APBB2: variants seen among roughly 807,000 people sequenced by gnomAD.
APBB2 encodes Fe65-like 1.
Under a neutral mutation model 82.5 loss-of-function variants are expected in APBB2, and 38 were observed. The observed-to-expected ratio is 0.46, with a 90% confidence interval of 0.36 to 0.60. APBB2 has a LOEUF of 0.60. APBB2 is among the 20% of genes least tolerant of loss of function. The pLI, the probability that APBB2 is intolerant of heterozygous loss-of-function variation, is 0.00. For synonymous variants in APBB2, 341 were observed against 368.2 expected, an observed-to-expected ratio of 0.93 and a Z score of 0.85; for missense variants, 772 against 972.3, an observed-to-expected ratio of 0.79 and a Z score of 2.74.
chr4:41,210,780 T>C (rs1457643429), intron 1 of APBB2, among the ~76,000 whole-genome samples: 1 of 152,210 alleles, frequency 6.6e-6, no homozygotes, highest in Admixed American at 6.5e-5. Context: ...GCTTACTGAA[T>C]AATAATGGAA....
At chr4:41,090,483 C>G (rs2153952561) in intron 3 of APBB2, among the ~76,000 whole-genome samples, 1 of 152,268 alleles carries the variant, frequency 6.6e-6, no homozygotes, top group East Asian at 1.9e-4. Context: ...GCCTTTTCAG[C>G]TACTGCTCAT....
intron 12 of APBB2, among the ~76,000 whole-genome samples, chr4:40,842,905 G>A (rs1756315337): frequency 6.6e-6 from 1 of 151,190 alleles, no homozygotes; most frequent in African/African-American, 2.4e-5. Context: ...GGGCGGGTGG[G>A]AAGTGGGAGA....
At chr4:40,867,076 A>C (rs1003404453) in intron 12 of APBB2, among the ~76,000 whole-genome samples, 22 of 152,272 alleles carry the variant, frequency 1.4e-4, no homozygotes, top group African/African-American at 4.3e-4. Flanking sequence ...TTTTAGATCA[A>C]TTTTAGTGTA....
intron 4 of APBB2, among the ~76,000 whole-genome samples, chr4:41,046,621 G>A (rs1723526997): frequency 6.6e-6 from 1 of 152,174 alleles, no homozygotes; most frequent in Admixed American, 6.5e-5. Context: ...ATAATTAAAG[G>A]AAACTAAGGA....
intron 12 of APBB2, among the ~76,000 whole-genome samples, chr4:40,885,028 GGAAGA>G (rs1231560496): frequency 2.0e-5 from 3 of 152,338 alleles, no homozygotes; most frequent in East Asian, 3.9e-4. Flanking sequence ...ACACCTTCAA[GGAAGA>G]GAAGTTTGGC....
In APBB2 at chr4:41,123,832, C is replaced by A. The variant is rs371054258; in HGVS notation, c.-261+19155G>T. ...CAAGACTCTGTCTCACAAAAAAAAACCAAAAAACAAAACAAAACAAAAAAA... is the reference window on the plus strand; with the variant it reads ...CAAGACTCTGTCTCACAAAAAAAAAACAAAAAACAAAACAAAACAAAAAAA... On this transcript the variant is annotated intron_variant, in intron 2 of 17. Coordinates refer to ENST00000508593, the MANE Select transcript of APBB2 (RefSeq NM_004307.2). 8.1e-4 allele frequency among the ~76,000 whole-genome samples: 123 copies of A among 151,444 alleles called. No homozygotes were observed. In the South Asian group the frequency reaches 0.014, roughly 18 times the overall value.
chr4:41,083,637 G>A (rs574146397), intron 3 of APBB2, among the ~76,000 whole-genome samples: 1 of 128,150 alleles, frequency 7.8e-6, no homozygotes, highest in Non-Finnish European at 1.6e-5. Flanking sequence ...GCAGTGAGCT[G>A]AGATCACGCC....
At chr4:40,858,625 A>C (rs1303269874) in intron 12 of APBB2, among the ~76,000 whole-genome samples, 1 of 152,158 alleles carries the variant, frequency 6.6e-6, no homozygotes, top group African/African-American at 2.4e-5. Flanking sequence ...TGGGTTTGGT[A>C]AAACACACCA....
At chr4:40,842,687 A>C (rs530292366) in intron 12 of APBB2, among the ~76,000 whole-genome samples, 1 of 152,254 alleles carries the variant, frequency 6.6e-6, no homozygotes. Flanking sequence ...TGTTTGCAGT[A>C]AACACTGGCA....
At chr4:40,901,948 A>G (rs1200729476) in intron 10 of APBB2, among the ~76,000 whole-genome samples, 1 of 144,750 alleles carries the variant, frequency 6.9e-6, no homozygotes, top group Admixed American at 6.7e-5. Context: ...TGTGTGATGG[A>G]AAGATGGTCC....
At chr4:40,874,507 C>A (rs1260319709) in intron 12 of APBB2, among the ~76,000 whole-genome samples, 1 of 149,084 alleles carries the variant, frequency 6.7e-6, no homozygotes, top group African/African-American at 2.5e-5. Context: ...GCACAGGAGG[C>A]GGGGGCAGGG....
intron 6 of APBB2, among the ~76,000 whole-genome samples, chr4:40,967,356 C>T (rs1374830338): frequency 6.6e-6 from 1 of 152,198 alleles, no homozygotes; most frequent in Admixed American, 6.5e-5. Flanking sequence ...ACGCCCCTTG[C>T]TTGCCACGTT....
chr4:41,128,016 A>G (rs907861752), intron 2 of APBB2, among the ~76,000 whole-genome samples: 2 of 152,064 alleles, frequency 1.3e-5, no homozygotes, highest in African/African-American at 4.8e-5. Flanking sequence ...GGAGGCGGAG[A>G]TTGCAGTATG....
Position 41,001,200 on chromosome 4 carries a change from T to A in APBB2, c.835+12383A>T, listed in dbSNP as rs990764412. 2.0e-5 allele frequency among the ~76,000 whole-genome samples: 3 copies of A among 152,312 alleles called. No homozygotes were observed. In the East Asian group the frequency reaches 5.8e-4, roughly 29 times the overall value. ...ATTCTCACTTTCTGACAATTCCACATGGAACTGGGACATTTTCCCCTACAA... is the reference window on the plus strand; with the variant it reads ...ATTCTCACTTTCTGACAATTCCACAAGGAACTGGGACATTTTCCCCTACAA... On this transcript the variant is annotated intron_variant, in intron 6 of 17. Transcript: ENST00000508593.
At chr4:41,200,747 A>T (rs1776499462) in intron 1 of APBB2, among the ~76,000 whole-genome samples, 1 of 152,218 alleles carries the variant, frequency 6.6e-6, no homozygotes, top group South Asian at 2.1e-4. Flanking sequence ...ACAACCAAAT[A>T]CAGGTAGCAC....
chr4:41,125,676 TC>T (rs1372623816), intron 2 of APBB2, among the ~76,000 whole-genome samples: 1 of 152,204 alleles, frequency 6.6e-6, no homozygotes, highest in East Asian at 1.9e-4. Flanking sequence ...TTGGAAAATT[TC>T]CAAGTAAATC....
intron 3 of APBB2, among the ~76,000 whole-genome samples, chr4:41,078,004 A>G (rs1359010162): frequency 6.6e-6 from 1 of 152,270 alleles, no homozygotes; most frequent in Non-Finnish European, 1.5e-5. Flanking sequence ...ATACCAAGCA[A>G]CAAAATTTTA....
chr4:41,044,542 T>C (rs866696430), intron 4 of APBB2, among the ~76,000 whole-genome samples: 21 of 152,206 alleles, frequency 1.4e-4, no homozygotes, highest in African/African-American at 4.8e-4. Context: ...TGAGGAGCAA[T>C]ATTTCCTCCA....
chr4:40,821,338 C>T (rs888027460), intron 17 of APBB2, among the ~76,000 whole-genome samples: 5 of 152,206 alleles, frequency 3.3e-5, no homozygotes, highest in Admixed American at 2.6e-4. Context: ...TCGGCTCTGT[C>T]ACTTACCGAC....
Sources: gnomAD v4.1 joint callset for allele counts (sites outside exome capture counted in the v4.1 genomes callset) on GRCh38, gnomAD v4.1.1 for gene constraint, MANE v1.5 for transcripts, NCBI Gene and HGNC (gene_info 2026-07-23, HGNC 2026-07-21) for gene names.